The following LARP4B variants were observed in gnomAD, a reference collection of about 807,000 sequenced individuals.
LARP4B encodes the protein la-related protein 4B.
LARP4B carries 12 observed loss-of-function variants against 89.8 expected under a neutral mutation model. That is an observed-to-expected ratio of 0.13 (90% confidence interval 0.09 to 0.22). The LOEUF is 0.22. LARP4B is among the 10% of genes least tolerant of loss of function. The probability of loss-of-function intolerance (pLI) is 1.00; values close to 1 mark genes in which losing one functional copy is unlikely to be tolerated. For synonymous variants in LARP4B, 367 were observed against 363.3 expected, an observed-to-expected ratio of 1.01 and a Z score of -0.12; for missense variants, 757 against 947.7, an observed-to-expected ratio of 0.80 and a Z score of 2.64.
At chr10:905,665 G>A (rs1449861850) in intron 1 of LARP4B, among the ~76,000 whole-genome samples, 3 of 21,880 alleles carry the variant, frequency 1.4e-4, no homozygotes, top group African/African-American at 5.7e-4. Flanking sequence ...GGGGAGGGGA[G>A]GAGCTGAGGA....
chr10:944,748 GAAGTCCTGGCCCT>G, the LARP4B span, among the ~76,000 whole-genome samples: 3 of 152,314 alleles, frequency 2.0e-5, no homozygotes, highest in East Asian at 5.8e-4. Context: ...TTCCCATCTT[GAAGTCCTGGCCCT>G]AAGTTCTAGT....
rs986228945 is a variant in LARP4B at position 812,882 on chromosome 10, G to C, written c.*44C>G. 6.7e-7 allele frequency: 1 copy of C among 1,490,606 alleles called. No homozygotes were observed. Among genetic ancestry groups the C allele is most frequent in the Admixed American group, 2.4e-5 (1 of 41,452 alleles). 92.3% of individuals were successfully genotyped at this position (1,490,606 alleles called of 1,614,324 possible). On this transcript the variant is annotated 3_prime_UTR_variant, in exon 18 of 18. Coordinates refer to ENST00000316157, the MANE Select transcript of LARP4B (RefSeq NM_015155.3). Reference sequence around the variant, plus strand: ...CACTGAGTGGGAGAGTGTCTCGTTTGTGGTTAACACAGCGCTCTGCGACCC... The same window carrying C: ...CACTGAGTGGGAGAGTGTCTCGTTTCTGGTTAACACAGCGCTCTGCGACCC...
intron 1 of LARP4B, among the ~76,000 whole-genome samples, chr10:920,760 A>C (rs1836956912): frequency 6.6e-6 from 1 of 152,080 alleles, no homozygotes; most frequent in Non-Finnish European, 1.5e-5. Context: ...GGACAAAGTG[A>C]GACTCTGTCT....
At chr10:911,166 A>G (rs1160543192) in intron 1 of LARP4B, among the ~76,000 whole-genome samples, 1 of 152,214 alleles carries the variant, frequency 6.6e-6, no homozygotes, top group Non-Finnish European at 1.5e-5. Flanking sequence ...GCATCCTTTA[A>G]GTGTCTAAAA....
At chr10:856,495 G>A (rs950260398) in intron 5 of LARP4B, among the ~76,000 whole-genome samples, 4 of 152,220 alleles carry the variant, frequency 2.6e-5, no homozygotes, top group African/African-American at 9.6e-5. Flanking sequence ...TGGACAGACA[G>A]ACAGATAAAT....
At position 901,347 on chromosome 10, in the gene LARP4B, T is replaced by C. The variant is rs755041416; in HGVS notation, c.-39-15587A>G. ...CTGCCTTGTGCTGTTAGTTGGATGA[T>C]ATGGTTTATCTCACGGCTGCCAGCA... On this transcript the variant is annotated intron_variant, in intron 1 of 17. Transcript: ENST00000316157. Among the ~76,000 whole-genome samples the C allele has an allele frequency of 1.8e-4, 27 of 152,356 alleles. 1 individual carries two copies. The highest frequency in any genetic ancestry group is 1.5e-3 in the Admixed American group (23 of 15,306).
In LARP4B at chr10:864,321, A is replaced by G. The variant is rs373125801; in HGVS notation, c.142-51T>C. 375 of 1,590,516 alleles carry G rather than the reference A, an allele frequency of 2.4e-4. 2 individuals are homozygous for G. The highest frequency in any genetic ancestry group is 1.8e-3 in the Middle Eastern group (11 of 6,054). On this transcript the variant is annotated intron_variant, in intron 3 of 17. Coordinates refer to ENST00000316157, the MANE Select transcript of LARP4B (RefSeq NM_015155.3). ...TTGTATCCAAATGTCAACCAAATAC[A>G]ATTTTACTCATTAATGCAGAGTTAA...
At chr10:945,509 A>G in the LARP4B span, among the ~76,000 whole-genome samples, 2 of 149,946 alleles carry the variant, frequency 1.3e-5, no homozygotes, top group East Asian at 1.9e-4. Flanking sequence ...ATATGGTGAA[A>G]CCCCGTCTCT....
intron 1 of LARP4B, among the ~76,000 whole-genome samples, chr10:919,560 G>A (rs1057317408): frequency 6.6e-6 from 1 of 151,036 alleles, no homozygotes; most frequent in African/African-American, 2.4e-5. Flanking sequence ...TTGAGGGTGG[G>A]AGTTGTTGCA....
intron 15 of LARP4B, 100 bp from the exon 16 acceptor site, chr10:815,170 A>G (rs7910159): frequency 1 from 1,402,206 of 1,404,030 alleles, 700,214 homozygotes; most frequent in East Asian, 1. Flanking sequence ...TTGGGAGAGC[A>G]GCACAAGGAC....
chr10:907,501 A>G (rs1174009263), intron 1 of LARP4B, among the ~76,000 whole-genome samples: 3 of 152,262 alleles, frequency 2.0e-5, no homozygotes, highest in African/African-American at 2.4e-5. Flanking sequence ...GGATCTAAAC[A>G]TACAAAGGAG....
At chr10:903,358 G>T (rs1786751218) in intron 1 of LARP4B, 1 of 152,212 alleles carries the variant, frequency 6.6e-6, no homozygotes, top group African/African-American at 2.4e-5. Flanking sequence ...TGGACAAAGA[G>T]CAGAACTGCC....
the LARP4B span, among the ~76,000 whole-genome samples, chr10:954,786 C>T: frequency 2.8e-4 from 42 of 149,354 alleles, no homozygotes; most frequent in East Asian, 8.3e-3. The surrounding 1 kb of genome is among the most constrained non-coding windows in gnomAD (Gnocchi z 5.0). Context: ...CCCAGGACAG[C>T]TCCCATCCAC....
chr10:986,387 GAC>G, the LARP4B span: 1 of 152,158 alleles, frequency 6.6e-6, no homozygotes, highest in African/African-American at 2.4e-5. Context: ...CAGCATTTGC[GAC>G]ACTCCTCAGA....
chr10:827,268 T>C (rs1268034985), intron 11 of LARP4B, among the ~76,000 whole-genome samples: 2 of 112,912 alleles, frequency 1.8e-5, no homozygotes, highest in African/African-American at 6.9e-5. Flanking sequence ...AGAGAGAGAC[T>C]CTGTCTCAAA....
chr10:936,440 C>G (rs1256638114), upstream of LARP4B, among the ~76,000 whole-genome samples: 3 of 152,080 alleles, frequency 2.0e-5, no homozygotes, highest in African/African-American at 7.2e-5. Flanking sequence ...ACGAGGCAGG[C>G]CAGACACAGT....
intron 14 of LARP4B, chr10:818,493 T>A (rs1564379603): frequency 6.6e-6 from 1 of 152,232 alleles, no homozygotes; most frequent in African/African-American, 2.4e-5. Flanking sequence ...AACACAGGAT[T>A]TGACAACAAA....
intron 3 of LARP4B, among the ~76,000 whole-genome samples, chr10:866,472 A>T (rs1834900999): frequency 1.3e-5 from 2 of 152,208 alleles, no homozygotes; most frequent in Admixed American, 1.3e-4. Context: ...ACAGGAGCTC[A>T]TGGAGCTACA....
At chr10:963,260 A>T in the LARP4B span, among the ~76,000 whole-genome samples, 1 of 152,182 alleles carries the variant, frequency 6.6e-6, no homozygotes, top group East Asian at 1.9e-4. Context: ...ATGAAGCTTG[A>T]GTTCCAGAGA....
Sources: allele counts gnomAD v4.1 joint callset (sites outside exome capture counted in the v4.1 genomes callset), GRCh38; gene constraint gnomAD v4.1.1; non-coding constraint Gnocchi (gnomAD v3.1); transcripts MANE v1.5; gene names NCBI Gene and HGNC (gene_info 2026-07-23, HGNC 2026-07-21).